MYO5B: variants seen among roughly 807,000 people sequenced by gnomAD.
MYO5B encodes unconventional myosin-Vb.
Under a neutral mutation model 229.3 loss-of-function variants are expected in MYO5B, and 143 were observed. That is an observed-to-expected ratio of 0.62 (90% CI 0.54 to 0.72). MYO5B has a LOEUF of 0.72. Among genes scored for constraint, MYO5B ranks in the 30% least tolerant of loss-of-function variants. The probability of loss-of-function intolerance (pLI) is 0.00; values close to 1 mark genes in which losing one functional copy is unlikely to be tolerated. For missense variants in MYO5B, 2,321 were observed against 2,331.0 expected, an observed-to-expected ratio of 1.00 and a Z score of 0.09; for synonymous variants, 918 against 885.2, an observed-to-expected ratio of 1.04 and a Z score of -0.66.
chr18:49,920,503 C>T (rs2025062391), intron 17 of MYO5B, among the ~76,000 whole-genome samples: 11 of 152,104 alleles, frequency 7.2e-5, no homozygotes, highest in Admixed American at 5.2e-4. Flanking sequence ...TGTCCTGGGC[C>T]TCCTAGGGGA....
intron 1 of MYO5B, among the ~76,000 whole-genome samples, chr18:50,171,996 C>A (rs1449287851): frequency 1.6e-5 from 1 of 62,584 alleles, no homozygotes; most frequent in Non-Finnish European, 3.3e-5. Flanking sequence ...AATGGCTGTT[C>A]AGAGTCTGTG....
chr18:50,136,939 A>C (rs1213888847), intron 1 of MYO5B, among the ~76,000 whole-genome samples: 2 of 152,192 alleles, frequency 1.3e-5, no homozygotes, highest in Non-Finnish European at 2.9e-5. Flanking sequence ...GCCCTGTTAT[A>C]GGCACTTGTG....
chr18:49,981,932 A>G (rs1363009158), intron 8 of MYO5B, among the ~76,000 whole-genome samples: 1 of 152,210 alleles, frequency 6.6e-6, no homozygotes, highest in African/African-American at 2.4e-5. Flanking sequence ...GCACCCTTGT[A>G]GGAGGTAAAA....
At chr18:50,182,045 T>C (rs1177236020) in intron 1 of MYO5B, among the ~76,000 whole-genome samples, 1 of 152,210 alleles carries the variant, frequency 6.6e-6, no homozygotes, top group Non-Finnish European at 1.5e-5. Flanking sequence ...GTCAAAAGCC[T>C]ACTTTTGCCA....
intron 27 of MYO5B, among the ~76,000 whole-genome samples, chr18:49,866,229 T>C (rs370111436): frequency 2.6e-5 from 4 of 151,614 alleles, no homozygotes; most frequent in African/African-American, 4.8e-5. Context: ...CCACCACGCC[T>C]GGCTAATTTT....
chr18:49,980,088 G>A (rs1180885387), intron 9 of MYO5B, among the ~76,000 whole-genome samples: 1 of 152,158 alleles, frequency 6.6e-6, no homozygotes, highest in Non-Finnish European at 1.5e-5. Flanking sequence ...CAGGTACAGT[G>A]CCCTGTGCCC....
rs2144370882 is a variant in MYO5B at position 50,195,061 on chromosome 18, T to G, written c.-268A>C. On this transcript the variant is annotated 5_prime_UTR_variant, in exon 1 of 40. Transcript: ENST00000285039. Reference sequence around the variant, plus strand: ...AGGAGGCCGCGCCGCACCACTCCCCTCCCAGGTGTGGGGAGGAGGCGAGGG... The same window carrying G: ...AGGAGGCCGCGCCGCACCACTCCCCGCCCAGGTGTGGGGAGGAGGCGAGGG... 5.1e-5 allele frequency: 16 copies of G among 310,910 alleles called. No homozygotes were observed. Among genetic ancestry groups the G allele is most frequent in the Admixed American group, 1.0e-4 (2 of 19,472 alleles). The allele number at this position is 310,910 out of a possible 1,614,324, so 19.3% of individuals were successfully genotyped here. A position where few individuals can be genotyped will look rare whatever the true frequency, so the allele number is the denominator to read the frequency against.
intron 27 of MYO5B, among the ~76,000 whole-genome samples, chr18:49,867,476 C>A (rs954179228): frequency 6.6e-6 from 1 of 152,144 alleles, no homozygotes; most frequent in South Asian, 2.1e-4. Context: ...GAAACCGCCC[C>A]GGGAGAGTGT....
In MYO5B at chr18:49,936,989, G is replaced by A. The variant is rs76277923; in HGVS notation, c.1905+256C>T. Among the ~76,000 whole-genome samples the A allele has an allele frequency of 0.095, 14,383 of 152,184 alleles. 822 individuals carry two copies. The highest frequency in any genetic ancestry group is 0.2 in the Middle Eastern group (60 of 294). On this transcript the variant is annotated intron_variant, in intron 15 of 39. Transcript: ENST00000285039. ...CACACTAGGTGTCTTTGGCCCTGTG[G>A]CACAGCCCCACCACAGGCGTTAACA...
chr18:50,155,121 G>A (rs540390337), intron 1 of MYO5B, among the ~76,000 whole-genome samples: 67 of 152,264 alleles, frequency 4.4e-4, no homozygotes, highest in African/African-American at 1.3e-3. Context: ...GTTCACATAC[G>A]TAAGGTTTCC....
At chr18:50,194,522 G>T (rs866708126) in intron 1 of MYO5B, among the ~76,000 whole-genome samples, 10 of 152,224 alleles carry the variant, frequency 6.6e-5, no homozygotes, top group Admixed American at 2.6e-4. Context: ...TTGGTGCTGA[G>T]CCGTGGCGCT....
At chr18:50,039,345 T>G (rs536889490) in intron 3 of MYO5B, among the ~76,000 whole-genome samples, 1 of 152,344 alleles carries the variant, frequency 6.6e-6, no homozygotes, top group African/African-American at 2.4e-5. Flanking sequence ...TGTTTTGTTT[T>G]TTTTGAGACA....
intron 9 of MYO5B, among the ~76,000 whole-genome samples, chr18:49,978,227 A>C (rs2025774093): frequency 6.6e-6 from 1 of 151,838 alleles, no homozygotes; most frequent in South Asian, 2.1e-4. Context: ...TGATGTTCCC[A>C]CCCTCATACT....
intron 4 of MYO5B, among the ~76,000 whole-genome samples, chr18:50,018,769 C>G (rs1314740245): frequency 6.6e-6 from 1 of 152,192 alleles, no homozygotes; most frequent in Non-Finnish European, 1.5e-5. Context: ...ATGCTAGCAT[C>G]ACATCTTAAC....
chr18:50,162,046 C>T (rs2032774679), intron 1 of MYO5B, among the ~76,000 whole-genome samples: 1 of 152,242 alleles, frequency 6.6e-6, no homozygotes. Context: ...GGCCAACAGC[C>T]ACTCCCTCAG....
intron 2 of MYO5B, among the ~76,000 whole-genome samples, chr18:50,054,532 G>T (rs1281551247): frequency 2.6e-5 from 4 of 152,312 alleles, no homozygotes; most frequent in African/African-American, 9.6e-5. Flanking sequence ...ACAGCATATA[G>T]GGTGAGCATC....
chr18:49,838,333 G>A (rs1302630705), intron 36 of MYO5B, among the ~76,000 whole-genome samples: 1 of 152,176 alleles, frequency 6.6e-6, no homozygotes, highest in African/African-American at 2.4e-5. Flanking sequence ...GCAGGGCCAG[G>A]ATTTAAACCC....
rs183053466 is a variant in MYO5B at position 50,116,728 on chromosome 18, A to G, written c.28-61350T>C. 3.3e-5 allele frequency among the ~76,000 whole-genome samples: 5 copies of G among 152,078 alleles called. No individual in the cohort carries two copies. In the East Asian group the frequency reaches 5.8e-4, roughly 18 times the overall value. ...TCACGGGGGAACTCGTCAGAAATGT[A>G]CATTCTCAGGCCCCACCCAGACCCA... On this transcript the variant is annotated intron_variant, in intron 1 of 39. Transcript: ENST00000285039.
At chr18:49,872,255 A>G (rs768362066) in intron 26 of MYO5B, 23 bp from the exon 27 acceptor site, 17 of 1,612,256 alleles carry the variant, frequency 1.1e-5, no homozygotes, top group South Asian at 3.3e-5. Context: ...AGACACAAAG[A>G]TAAGTGCAGA....
Sources: allele counts gnomAD v4.1 joint callset (sites outside exome capture counted in the v4.1 genomes callset), GRCh38; gene constraint gnomAD v4.1.1; transcripts MANE v1.5; gene names NCBI Gene and HGNC (gene_info 2026-07-23, HGNC 2026-07-21).